Variants in CALN1 observed in about 807,000 individuals in gnomAD.
CALN1 encodes calcium-binding protein 8.
Under a neutral mutation model 30.6 loss-of-function variants are expected in CALN1, and 17 were observed. That is an observed-to-expected ratio of 0.56 (90% CI 0.38 to 0.83). The LOEUF (loss-of-function observed/expected upper bound fraction) is 0.83, where lower values mean the gene tolerates loss of function less well. Ranked by LOEUF, CALN1 falls within the 40% of genes least tolerant of loss-of-function variation. CALN1 has a pLI of 0.00. For missense variants in CALN1, 291 were observed against 354.9 expected, an observed-to-expected ratio of 0.82 and a Z score of 1.45; for synonymous variants, 156 against 131.4, an observed-to-expected ratio of 1.19 and a Z score of -1.28.
chr7:72,336,750 G>T lies in CALN1; in HGVS notation c.120-57940C>A, dbSNP rs1030148361. ...GCAGCCCGGCAGCCGAGGCGCCTCC[G>T]CACAGCGCGGGGGGCTTCCTCCGAG... is the stretch of plus-strand genomic sequence containing the variant. On this transcript the variant is annotated intron_variant, in intron 2 of 6. Transcript: ENST00000395275. 6.1e-6 allele frequency: 6 copies of T among 985,254 alleles called. No homozygotes were observed. In the African/African-American group the frequency reaches 8.7e-5, roughly 14 times the overall value. The allele number at this position is 985,254 out of a possible 1,614,324, so 61.0% of individuals were successfully genotyped here. A position where few individuals can be genotyped will look rare whatever the true frequency, so the allele number is the denominator to read the frequency against.
chr7:72,162,459 C>T (rs1563110645), intron 3 of CALN1, among the ~76,000 whole-genome samples: 2 of 152,158 alleles, frequency 1.3e-5, no homozygotes, highest in African/African-American at 2.4e-5. Flanking sequence ...ATGGGCCAGG[C>T]ATGGTGGCTC....
intron 3 of CALN1, among the ~76,000 whole-genome samples, chr7:72,270,081 T>G (rs976153742): frequency 2.6e-5 from 4 of 151,864 alleles, no homozygotes; most frequent in Admixed American, 2.0e-4. Context: ...TGAAAAAAAT[T>G]TGGGTGTTTC....
chr7:71,803,850 T>C (rs918212689), intron 6 of CALN1, among the ~76,000 whole-genome samples: 3 of 151,762 alleles, frequency 2.0e-5, no homozygotes, highest in African/African-American at 7.3e-5. Context: ...TGGGAGAAAA[T>C]GTAAAGGGTG....
intron 5 of CALN1, among the ~76,000 whole-genome samples, chr7:71,824,988 G>A (rs530235101): frequency 2.6e-5 from 4 of 152,288 alleles, no homozygotes; most frequent in South Asian, 2.1e-4. Flanking sequence ...TGCCTTGAGC[G>A]CCAGCGTGAC....
intron 5 of CALN1, among the ~76,000 whole-genome samples, chr7:71,853,704 C>A (rs1350827713): frequency 6.6e-6 from 1 of 152,030 alleles, no homozygotes; most frequent in Non-Finnish European, 1.5e-5. Context: ...CTCAGCCTCC[C>A]GAGTAGCTGG....
intron 5 of CALN1, among the ~76,000 whole-genome samples, chr7:71,945,460 G>A (rs556463878): frequency 2.6e-5 from 4 of 152,172 alleles, no homozygotes; most frequent in South Asian, 2.1e-4. Context: ...GCTCCTCATC[G>A]CCCAGGCTGT....
At chr7:71,921,164 T>C (rs748926376) in intron 5 of CALN1, among the ~76,000 whole-genome samples, 18 of 152,022 alleles carry the variant, frequency 1.2e-4, no homozygotes, top group African/African-American at 4.4e-4. Flanking sequence ...TGAGAACATA[T>C]GGACAGAGGG....
At chr7:72,147,302 A>G (rs1423770465) in intron 3 of CALN1, among the ~76,000 whole-genome samples, 1 of 152,134 alleles carries the variant, frequency 6.6e-6, no homozygotes, top group African/African-American at 2.4e-5. Context: ...CAAGTGGGCA[A>G]AGGATATGAA....
chr7:72,252,618 A>AAAAAAAGAAAG (rs1250469110), intron 3 of CALN1, among the ~76,000 whole-genome samples: 2 of 151,202 alleles, frequency 1.3e-5, no homozygotes, highest in Non-Finnish European at 3.0e-5. Flanking sequence ...CAAAAAAAAA[A>AAAAAAAGAAAG]AAAGAAAGAC....
intron 5 of CALN1, among the ~76,000 whole-genome samples, chr7:71,983,247 T>A (rs1392741887): frequency 6.6e-6 from 1 of 152,230 alleles, no homozygotes; most frequent in Non-Finnish European, 1.5e-5. Context: ...CTTGTGTGTG[T>A]CTGTGTCCTT....
At chr7:72,180,607 C>CTTTTTTTTTT (rs150600925) in intron 3 of CALN1, among the ~76,000 whole-genome samples, 72 of 89,880 alleles carry the variant, frequency 8.0e-4, no homozygotes, top group East Asian at 1.3e-3. Context: ...GCTTTTTTTT[C>CTTTTTTTTTT]TTTTTTTTTT....
chr7:72,387,266 A>AAGGGAGGGAGGG (rs1805276741), intron 2 of CALN1, among the ~76,000 whole-genome samples: 3 of 7,310 alleles, frequency 4.1e-4, no homozygotes, highest in African/African-American at 8.5e-4. Context: ...GGAAGGGAGG[A>AAGGGAGGGAGGG]AGGGAGGAAG....
chr7:71,801,412 G>GTATCTATC (rs1212649767), intron 6 of CALN1, among the ~76,000 whole-genome samples: 33 of 129,388 alleles, frequency 2.6e-4, no homozygotes, highest in African/African-American at 3.4e-4. Context: ...ATGTATGTAT[G>GTATCTATC]TATGTATGTA....
intron 3 of CALN1, among the ~76,000 whole-genome samples, chr7:72,112,164 A>G (rs1046497807): frequency 6.6e-6 from 1 of 152,182 alleles, no homozygotes; most frequent in African/African-American, 2.4e-5. Flanking sequence ...AACAACAGCA[A>G]AAGCACAGCT....
chr7:72,266,768 C>T (rs752189770), intron 3 of CALN1, among the ~76,000 whole-genome samples: 1 of 152,160 alleles, frequency 6.6e-6, no homozygotes, highest in Non-Finnish European at 1.5e-5. Flanking sequence ...CGGGAAACTA[C>T]TAGAAGACTT....
At chr7:72,239,387 C>A (rs138142506) in intron 3 of CALN1, among the ~76,000 whole-genome samples, 68 of 152,080 alleles carry the variant, frequency 4.5e-4, no homozygotes, top group African/African-American at 1.6e-3. Context: ...CAGAACAAGA[C>A]CTTGTCCCTA....
chr7:71,829,493 G>A (rs1789132614), intron 5 of CALN1, among the ~76,000 whole-genome samples: 1 of 152,180 alleles, frequency 6.6e-6, no homozygotes, highest in Non-Finnish European at 1.5e-5. Context: ...AGAGCAACAG[G>A]GAATGAATAG....
chr7:72,204,159 T>C (rs1229494097), intron 3 of CALN1, among the ~76,000 whole-genome samples: 2 of 151,036 alleles, frequency 1.3e-5, no homozygotes, highest in Non-Finnish European at 2.9e-5. Flanking sequence ...TGGCTAATTT[T>C]TTTTTTTTTG....
intron 3 of CALN1, among the ~76,000 whole-genome samples, chr7:72,262,179 A>G (rs543603217): frequency 6.6e-6 from 1 of 152,284 alleles, no homozygotes; most frequent in African/African-American, 2.4e-5. Flanking sequence ...CTCCTACCCA[A>G]GGAATAAGTA....
Sources: gnomAD v4.1 joint callset for allele counts (sites outside exome capture counted in the v4.1 genomes callset) on GRCh38, gnomAD v4.1.1 for gene constraint, MANE v1.5 for transcripts, NCBI Gene and HGNC (gene_info 2026-07-23, HGNC 2026-07-21) for gene names.